Variants in CACNB4 observed in about 807,000 individuals in gnomAD.
CACNB4 encodes the protein calcium voltage-gated channel auxiliary subunit beta 4, also known as voltage-dependent L-type calcium channel subunit beta-4.
A neutral mutation model predicts 71.2 loss-of-function variants in CACNB4; 32 were observed. The ratio of observed to expected loss-of-function variants is 0.45; its 90% CI spans 0.34 to 0.60. CACNB4 has a LOEUF of 0.60. CACNB4 is among the 20% of genes least tolerant of loss of function. CACNB4 has a pLI of 0.01. For missense variants in CACNB4, 464 were observed against 647.9 expected, an observed-to-expected ratio of 0.72 and a Z score of 3.08; for synonymous variants, 231 against 236.9, an observed-to-expected ratio of 0.97 and a Z score of 0.23.
intron 2 of CACNB4, among the ~76,000 whole-genome samples, chr2:152,036,345 G>A (rs1218029735): frequency 6.6e-6 from 1 of 152,146 alleles, no homozygotes; most frequent in Admixed American, 6.5e-5. Context: ...TGTCTCCCAG[G>A]CAGGAGGGCA....
chr2:151,891,352 C>T (rs1229735896), intron 2 of CACNB4, among the ~76,000 whole-genome samples: 2 of 152,106 alleles, frequency 1.3e-5, no homozygotes, highest in East Asian at 1.9e-4. Context: ...CCAGCCATGG[C>T]CATTTAGCCA....
intron 2 of CACNB4, among the ~76,000 whole-genome samples, chr2:152,019,690 G>A (rs1683549869): frequency 6.6e-6 from 1 of 152,176 alleles, no homozygotes; most frequent in African/African-American, 2.4e-5. Flanking sequence ...GAGGTTAAAT[G>A]GCAAGTGGAC....
In CACNB4 at chr2:152,054,365, C is replaced by CA. The variant is rs34291036; in HGVS notation, c.147+43964dup. Among the ~76,000 whole-genome samples, 332 of 85,088 alleles carry CA rather than the reference C, an allele frequency of 3.9e-3. 4 individuals carry two copies. Among genetic ancestry groups the CA allele is most frequent in the East Asian group, 0.031 (72 of 2,330 alleles). 55.8% of individuals were successfully genotyped at this position (85,088 alleles called of 152,430 possible). On this transcript the variant is annotated intron_variant, in intron 2 of 13. Transcript: ENST00000539935. ...TGGGCGACAAAGCAAAACTCCGTCT[C>CA]AAAAAAAAAAAAAAAAAAAAAAAAT...
Position 152,098,309 on chromosome 2 carries a change from TC to T in CACNB4, c.147+20del, listed in dbSNP as rs940103286. ...GCGCTCGGCCTCCTCCCCATCCTGGTCTCCCGCCTCCTTCTCATACCTGTCT... is the reference window on the plus strand; with the variant it reads ...GCGCTCGGCCTCCTCCCCATCCTGGTTCCCGCCTCCTTCTCATACCTGTCT... On this transcript the variant is annotated intron_variant, in intron 2 of 13. Coordinates refer to ENST00000539935, the MANE Select transcript of CACNB4 (RefSeq NM_000726.5). The surrounding 1 kb of genome is among the most constrained non-coding windows in gnomAD (Gnocchi z 5.3). The T allele has an allele frequency of 1.2e-6, 2 of 1,600,442 alleles. No individual in the cohort carries two copies. The highest frequency in any genetic ancestry group is 1.7e-6 in the Non-Finnish European group (2 of 1,167,908).
intron 2 of CACNB4, among the ~76,000 whole-genome samples, chr2:152,085,579 C>CAGCTGT (rs1687614814): frequency 6.6e-6 from 1 of 152,076 alleles, no homozygotes; most frequent in Non-Finnish European, 1.5e-5. Context: ...ATGAGGGTCC[C>CAGCTGT]GGCTGGTCTC....
chr2:152,015,642 A>G (rs1270920273), intron 2 of CACNB4, among the ~76,000 whole-genome samples: 2 of 152,232 alleles, frequency 1.3e-5, no homozygotes, highest in Admixed American at 1.3e-4. Flanking sequence ...AAGAGTCAGT[A>G]GTTGCTTCAT....
intron 2 of CACNB4, among the ~76,000 whole-genome samples, chr2:151,884,717 C>T (rs1445892089): frequency 6.6e-6 from 1 of 151,816 alleles, no homozygotes; most frequent in African/African-American, 2.4e-5. Flanking sequence ...CCTTCCTTGC[C>T]TCCCCCACCG....
rs114914833 is a variant in CACNB4, at chr2:152,030,609, C to T, written c.147+67721G>A. On this transcript the variant is annotated intron_variant, in intron 2 of 13. Coordinates refer to ENST00000539935, the MANE Select transcript of CACNB4 (RefSeq NM_000726.5). ...TATCTCCTAATGCTATCCCTCCCCA[C>T]TTGACAGGCCCCAGTGTGTGATGTT... 1.2e-3 allele frequency among the ~76,000 whole-genome samples: 181 copies of T among 152,320 alleles called. 1 individual carries two copies. Among genetic ancestry groups the T allele is most frequent in the African/African-American group, 4.2e-3 (174 of 41,576 alleles).
intron 11 of CACNB4, chr2:151,854,199 C>T (rs2099839707): frequency 6.6e-6 from 1 of 152,304 alleles, no homozygotes; most frequent in Non-Finnish European, 1.5e-5. Context: ...TGTCTGGGAA[C>T]TCCTGTTCTT....
At chr2:152,006,401 C>CTTTTTTTTTT (rs60046879) in intron 2 of CACNB4, among the ~76,000 whole-genome samples, 9 of 138,548 alleles carry the variant, frequency 6.5e-5, no homozygotes, top group Non-Finnish European at 9.2e-5. Context: ...TCTTTTCTTT[C>CTTTTTTTTTT]TTTTTTTTTT....
At chr2:152,054,950 T>C (rs1275415824) in intron 2 of CACNB4, among the ~76,000 whole-genome samples, 1 of 152,190 alleles carries the variant, frequency 6.6e-6, no homozygotes, top group African/African-American at 2.4e-5. Context: ...TCTTTATATA[T>C]CCTAGACACA....
At chr2:152,057,745 C>A (rs1212219356) in intron 2 of CACNB4, among the ~76,000 whole-genome samples, 1 of 152,170 alleles carries the variant, frequency 6.6e-6, no homozygotes, top group East Asian at 1.9e-4. Context: ...ATTGAACTGA[C>A]CCCTGAAAAG....
chr2:151,971,687 C>CA, intron 2 of CACNB4: 1 of 692,150 alleles, frequency 1.4e-6, no homozygotes, highest in Admixed American at 2.1e-5. Context: ...TCTTGGGTAA[C>CA]ACATCACATT....
At chr2:151,918,056 G>C (rs2099857995) in intron 2 of CACNB4, among the ~76,000 whole-genome samples, 1 of 152,104 alleles carries the variant, frequency 6.6e-6, no homozygotes, top group Admixed American at 6.6e-5. Context: ...AAGGCTGGGG[G>C]GGAAAAGGGT....
intron 9 of CACNB4, chr2:151,866,195 T>C (rs925443137): frequency 2.0e-5 from 3 of 152,214 alleles, no homozygotes; most frequent in African/African-American, 4.8e-5. Flanking sequence ...TTCTAAGGTA[T>C]CAAAAAAATC....
intron 11 of CACNB4, 175 bp downstream of exon 11, chr2:151,855,049 T>C: frequency 2.3e-6 from 1 of 439,686 alleles, no homozygotes; most frequent in Non-Finnish European, 4.0e-6. Context: ...AAATGAACTA[T>C]TATATTCTTC....
chr2:151,963,753 T>G (rs1222439936), intron 2 of CACNB4, among the ~76,000 whole-genome samples: 3 of 152,172 alleles, frequency 2.0e-5, no homozygotes, highest in Non-Finnish European at 4.4e-5. Flanking sequence ...AAATGCTCCA[T>G]GTGTACACAA....
chr2:151,876,734 G>GACA (rs1553757332), intron 4 of CACNB4, among the ~76,000 whole-genome samples, 178 bp from the exon 5 acceptor site: 1 of 67,756 alleles, frequency 1.5e-5, no homozygotes, highest in African/African-American at 4.7e-5. Flanking sequence ...CTATACTATA[G>GACA]ACTATATTTT....
intron 12 of CACNB4, among the ~76,000 whole-genome samples, chr2:151,842,318 A>ATTTT (rs1289045319): frequency 9.1e-6 from 1 of 110,344 alleles, no homozygotes; most frequent in South Asian, 3.4e-4. Context: ...CAATATTTGG[A>ATTTT]TCTTTTTTTT....
Sources: allele counts gnomAD v4.1 joint callset (sites outside exome capture counted in the v4.1 genomes callset), GRCh38; gene constraint gnomAD v4.1.1; non-coding constraint Gnocchi (gnomAD v3.1); transcripts MANE v1.5; gene names NCBI Gene and HGNC (gene_info 2026-07-23, HGNC 2026-07-21).